Variants in GIT2 observed in about 807,000 individuals in gnomAD.
GIT2 encodes GIT ArfGAP 2.
Under a neutral mutation model 100.3 loss-of-function variants are expected in GIT2, and 32 were observed. The ratio of observed to expected loss-of-function variants is 0.32; its 90% CI spans 0.24 to 0.43. The LOEUF (loss-of-function observed/expected upper bound fraction) is 0.43, where lower values mean the gene tolerates loss of function less well. GIT2 is among the 20% of genes least tolerant of loss of function. GIT2 has a pLI of 1.00. For synonymous variants in GIT2, 353 were observed against 364.1 expected (o/e 0.97, Z 0.35); for missense variants, 737 against 975.1 (o/e 0.76, Z 3.25).
intron 8 of GIT2, among the ~76,000 whole-genome samples, chr12:109,966,835 A>T (rs953010611): frequency 6.6e-6 from 1 of 152,214 alleles, no homozygotes; most frequent in Non-Finnish European, 1.5e-5. Context: ...GCTCTTATAG[A>T]CCAGGGGTCA....
At position 109,985,234 on chromosome 12, in the gene GIT2, C is replaced by T. The variant is rs537970193; in HGVS notation, c.406-1540G>A. ...CCTTCCACCTCAGCCTCCCAAGTAG[C>T]TAGTATTACAGGGATGTGCCACTGT... On this transcript the variant is annotated intron_variant, in intron 4 of 19. Transcript: ENST00000355312. Among the ~76,000 whole-genome samples, 61 of 152,118 alleles carry T rather than the reference C, an allele frequency of 4.0e-4. No homozygotes were observed. The South Asian group carries it at 0.013, about 32-fold the overall frequency.
rs1406047133 is a variant in GIT2 at position 109,933,526 on chromosome 12, T to TTAA, written c.2068-337_2068-336insTTA. 4.0e-6 allele frequency: 1 copy of TTAA among 252,200 alleles called. No homozygotes were observed. The highest frequency in any genetic ancestry group is 2.2e-5 in the African/African-American group (1 of 45,070). 15.6% of individuals were successfully genotyped at this position (252,200 alleles called of 1,614,324 possible). A position where few individuals can be genotyped will look rare whatever the true frequency, so the allele number is the denominator to read the frequency against. On this transcript the variant is annotated intron_variant, in intron 19 of 19. Transcript: ENST00000355312. The surrounding 1 kb of genome is among the most constrained non-coding windows in gnomAD (Gnocchi z 4.5). ...AATGTGCCTTTTAGCACGACTTGTA[T>TTAA]ATCCTTGTCTTATTAAATCAACATT...
intron 14 of GIT2, among the ~76,000 whole-genome samples, chr12:109,949,685 AAAG>A (rs1877311600): frequency 6.6e-6 from 1 of 152,240 alleles, no homozygotes; most frequent in Non-Finnish European, 1.5e-5. Flanking sequence ...TGCATTTCTC[AAAG>A]AAGCTCAAGA....
chr12:109,964,125 TATA>T, intron 9 of GIT2, among the ~76,000 whole-genome samples: 1 of 152,290 alleles, frequency 6.6e-6, no homozygotes, highest in East Asian at 1.9e-4. Context: ...TTGAATTATT[TATA>T]ATAAAATTTA....
chr12:109,992,600 T>C (rs1424156753), intron 1 of GIT2, among the ~76,000 whole-genome samples: 2 of 152,238 alleles, frequency 1.3e-5, no homozygotes, highest in Non-Finnish European at 2.9e-5. Flanking sequence ...TCAGCTGCTA[T>C]GGTTCTGAGG....
At chr12:109,951,043 A>C (rs1877697026) in intron 14 of GIT2, 124 bp downstream of exon 14, 11 of 854,948 alleles carry the variant, frequency 1.3e-5, no homozygotes, top group Non-Finnish European at 1.7e-5. Context: ...AACTTGGCCC[A>C]AAGATTTCTA....
In GIT2 at chr12:109,974,483, G is replaced by A. The variant is rs145688778; in HGVS notation, c.718+6469C>T. 6.9e-3 allele frequency among the ~76,000 whole-genome samples: 1,038 copies of A among 151,478 alleles called. 1 individual carries two copies. The highest frequency in any genetic ancestry group is 9.5e-3 in the Non-Finnish European group (641 of 67,762). On this transcript the variant is annotated intron_variant, in intron 7 of 19. Transcript: ENST00000355312. The stretch of plus-strand genomic sequence containing the variant: ...AGAGGTTGCAGCGAGCCAAGATTGC[G>A]CCACTGCACTCCAGCCTGGGCAACA...
At chr12:109,987,466 G>T (rs1488752404) in intron 4 of GIT2, among the ~76,000 whole-genome samples, 2 of 151,948 alleles carry the variant, frequency 1.3e-5, no homozygotes, top group African/African-American at 2.4e-5. Flanking sequence ...AATAGATGCA[G>T]AAAATGTTTT....
At chr12:109,959,461 C>T (rs1267704280) in intron 12 of GIT2, among the ~76,000 whole-genome samples, 1 of 151,976 alleles carries the variant, frequency 6.6e-6, no homozygotes, top group African/African-American at 2.4e-5. Flanking sequence ...GGTTAAGTGT[C>T]CCAAAACAAA....
chr12:109,961,602 C>T lies in GIT2; in HGVS notation c.889+11G>A, dbSNP rs368414287. Reference sequence around the variant, plus strand: ...AACAGAAGCTTATTAGATAAAGCCACGTCAAGTCACCTGCATCCGTCTCTC... The same window carrying T: ...AACAGAAGCTTATTAGATAAAGCCATGTCAAGTCACCTGCATCCGTCTCTC... On this transcript the variant is annotated intron_variant, in intron 10 of 19. Transcript: ENST00000355312. The T allele has an allele frequency of 5.6e-5, 87 of 1,567,396 alleles. No individual in the cohort carries two copies. The highest frequency in any genetic ancestry group is 1.7e-4 in the Middle Eastern group (1 of 5,974).
Position 109,933,940 on chromosome 12 carries a change from C to T in GIT2, c.2067+82G>A. 1 of 819,972 alleles carries T rather than the reference C, an allele frequency of 1.2e-6. No individual in the cohort carries two copies. Among genetic ancestry groups the T allele is most frequent in the South Asian group, 1.3e-5 (1 of 74,410 alleles). The allele number at this position is 819,972 out of a possible 1,614,324, so 50.8% of individuals were successfully genotyped here. On this transcript the variant is annotated intron_variant, in intron 19 of 19. Transcript: ENST00000355312. This position sits in a 1 kb window ranked among gnomAD's most constrained non-coding sequence, Gnocchi z 4.5. ...TAAAACTGCATGTGCTACAAAAAAGCTAATGTAATATATAGGTCATAAAGA... is the reference window on the plus strand; with the variant it reads ...TAAAACTGCATGTGCTACAAAAAAGTTAATGTAATATATAGGTCATAAAGA...
chr12:109,981,061 C>CA lies in GIT2; in HGVS notation c.624-16dup. On this transcript the variant is annotated splice_polypyrimidine_tract_variant and intron_variant, in intron 6 of 19. Coordinates refer to ENST00000355312, the MANE Select transcript of GIT2 (RefSeq NM_057169.5). ...GCCCTCCTTGCCTACCAAGAGAAAA[C>CA]AAAGTACCATTTATATTGCTCACTA... 1.9e-6 allele frequency: 3 copies of CA among 1,545,332 alleles called. No homozygotes were observed. The South Asian group carries it at 3.3e-5, about 17-fold the overall frequency.
chr12:109,930,120 C>T lies in GIT2; in HGVS notation c.*2858G>A, dbSNP rs199628761. 2 of 152,598 alleles carry T rather than the reference C, an allele frequency of 1.3e-5. No homozygotes were observed. Among genetic ancestry groups the T allele is most frequent in the African/African-American group, 4.8e-5 (2 of 41,442 alleles). 9.5% of individuals were successfully genotyped at this position (152,598 alleles called of 1,614,324 possible). A position where few individuals can be genotyped will look rare whatever the true frequency, so the allele number is the denominator to read the frequency against. On this transcript the variant is annotated 3_prime_UTR_variant, in exon 20 of 20. Coordinates refer to ENST00000355312, the MANE Select transcript of GIT2 (RefSeq NM_057169.5). ...TCTGCAACTGAATCACTTGAGAAGC[C>T]GTGCACAGCTCCCGAGTTGTGCGTT...
At chr12:109,967,168 T>C in intron 8 of GIT2, 2 of 598,240 alleles carry the variant, frequency 3.3e-6, no homozygotes, top group Non-Finnish European at 5.8e-6. Context: ...TCTCCTATAA[T>C]ACAGAAGTAT....
In GIT2 at chr12:109,961,326, G is replaced by T; in HGVS notation, c.939C>A (p.Val313=). The T allele has an allele frequency of 6.2e-7, 1 of 1,613,480 alleles. No homozygotes were observed. Among genetic ancestry groups the T allele is most frequent in the South Asian group, 1.1e-5 (1 of 91,056 alleles). ...NHSALVTETT[V]VPFLPVNPEY... ...CAGGATTGACCGGAAGAAAGGGGACGACCGTTGTCTCGGTTACCAGGGCGC... is the reference window on the plus strand; with the variant it reads ...CAGGATTGACCGGAAGAAAGGGGACTACCGTTGTCTCGGTTACCAGGGCGC... The change falls in exon 11 of 20, where the codon GTC becomes GTA. Residue 313 remains valine, a synonymous_variant. Coordinates refer to ENST00000355312, the MANE Select transcript of GIT2 (RefSeq NM_057169.5).
Position 109,967,327 on chromosome 12 carries a change from C to T in GIT2, c.764+131G>A, listed in dbSNP as rs751030898. On this transcript the variant is annotated intron_variant, in intron 8 of 19. Coordinates refer to ENST00000355312, the MANE Select transcript of GIT2 (RefSeq NM_057169.5). ...TGGTTTACTTACAGCCGTCTTATTTCCAAATGGTATAGCCATAAAAGAGAA... is the reference window on the plus strand; with the variant it reads ...TGGTTTACTTACAGCCGTCTTATTTTCAAATGGTATAGCCATAAAAGAGAA... The T allele has an allele frequency of 4.4e-6, 7 of 1,597,614 alleles. No individual in the cohort carries two copies. In the African/African-American group the frequency reaches 9.4e-5, roughly 22 times the overall value.
chr12:109,933,269 C>G lies in GIT2; in HGVS notation c.2068-79G>C. On this transcript the variant is annotated intron_variant, in intron 19 of 19. Transcript: ENST00000355312. The surrounding 1 kb of genome is among the most constrained non-coding windows in gnomAD (Gnocchi z 4.5). ...GCAGGGGACAAACATTCTTCTAAAG[C>G]AAACCAAGCTGCTCCCCAGAGTGAA... The G allele has an allele frequency of 2.4e-6, 2 of 842,806 alleles. No individual in the cohort carries two copies. The highest frequency in any genetic ancestry group is 3.9e-6 in the Non-Finnish European group (2 of 517,082). 52.2% of individuals were successfully genotyped at this position (842,806 alleles called of 1,614,324 possible). A position where few individuals can be genotyped will look rare whatever the true frequency, so the allele number is the denominator to read the frequency against.
At chr12:109,976,335 A>G (rs1593102452) in intron 7 of GIT2, among the ~76,000 whole-genome samples, 1 of 131,144 alleles carries the variant, frequency 7.6e-6, no homozygotes. Context: ...CCCAGGTTGG[A>G]GTGCAGTGGT....
chr12:109,985,621 A>C (rs2086781958), intron 4 of GIT2, among the ~76,000 whole-genome samples: 1 of 152,068 alleles, frequency 6.6e-6, no homozygotes. Context: ...AGGCCGAGGC[A>C]GGCAGATCAC....
Sources: gnomAD v4.1 joint callset for allele counts (sites outside exome capture counted in the v4.1 genomes callset) on GRCh38, gnomAD v4.1.1 for gene constraint, Gnocchi (gnomAD v3.1) non-coding constraint, MANE v1.5 for transcripts, NCBI Gene and HGNC (gene_info 2026-07-23, HGNC 2026-07-21) for gene names.